The following TAOK3 variants were observed in gnomAD, a reference collection of about 807,000 sequenced individuals.
TAOK3 encodes the protein TAO kinase 3.
TAOK3 carries 40 observed loss-of-function variants against 120.4 expected under a neutral mutation model. The ratio of observed to expected loss-of-function variants is 0.33; its 90% CI spans 0.26 to 0.43. TAOK3 has a LOEUF of 0.43. TAOK3 is among the 20% of genes least tolerant of loss of function. TAOK3 has a pLI of 1.00. For synonymous variants in TAOK3, 355 were observed against 387.5 expected (o/e 0.92, Z 0.99); for missense variants, 821 against 1,112.1 (o/e 0.74, Z 3.72).
At chr12:118,365,241 TTTTTTA>T (rs1305590099) in intron 1 of TAOK3, among the ~76,000 whole-genome samples, 1 of 152,168 alleles carries the variant, frequency 6.6e-6, no homozygotes, top group Non-Finnish European at 1.5e-5. Flanking sequence ...CTTTTTTAAT[TTTTTTA>T]TTTTTAGACA....
At chr12:118,189,690 C>A in intron 14 of TAOK3, 117 bp downstream of exon 14, 42 of 1,224,502 alleles carry the variant, frequency 3.4e-5, no homozygotes, top group Middle Eastern at 2.1e-4. Context: ...AGAGAGAAAA[C>A]ATTCTTGACT....
In TAOK3 at chr12:118,156,160, C is replaced by T. The variant is rs75127949; in HGVS notation, c.2353-3751G>A. Among the ~76,000 whole-genome samples the T allele has an allele frequency of 9.2e-3, 1,402 of 152,302 alleles. 21 individuals carry two copies. Among genetic ancestry groups the T allele is most frequent in the African/African-American group, 0.033 (1,355 of 41,562 alleles). ...ATGTGTCTATCAACTTCTTCCTTCT[C>T]TTTGCCTTTCATCTCCCTCTGCAAA... On this transcript the variant is annotated intron_variant, in intron 19 of 20. Transcript: ENST00000392533.
intron 9 of TAOK3, among the ~76,000 whole-genome samples, chr12:118,218,200 A>G (rs781402738): frequency 1.3e-5 from 2 of 152,054 alleles, no homozygotes; most frequent in Non-Finnish European, 2.9e-5. Flanking sequence ...TGAACTGTTA[A>G]CAAGTGGAAA....
intron 1 of TAOK3, among the ~76,000 whole-genome samples, chr12:118,363,848 G>A (rs958088809): frequency 1.3e-5 from 2 of 152,060 alleles, no homozygotes; most frequent in Admixed American, 6.6e-5. Context: ...CAGGCCAGGC[G>A]CGGTGGCTCA....
chr12:118,301,283 G>T (rs777663041), intron 1 of TAOK3, among the ~76,000 whole-genome samples: 2 of 152,080 alleles, frequency 1.3e-5, no homozygotes, highest in African/African-American at 2.4e-5. Flanking sequence ...GCTGCAAAGA[G>T]GTGGAAACAT....
At chr12:118,356,330 G>A (rs925485189) in intron 1 of TAOK3, among the ~76,000 whole-genome samples, 3 of 134,798 alleles carry the variant, frequency 2.2e-5, no homozygotes, top group Non-Finnish European at 3.1e-5. Flanking sequence ...GATGGAGTCC[G>A]GCTCTGTCGC....
intron 3 of TAOK3, among the ~76,000 whole-genome samples, chr12:118,253,690 T>C (rs2040853893): frequency 6.6e-6 from 1 of 150,868 alleles, no homozygotes; most frequent in Non-Finnish European, 1.5e-5. Context: ...TGAGCCGAGA[T>C]TGTGCCACTG....
intron 1 of TAOK3, among the ~76,000 whole-genome samples, chr12:118,353,465 C>T (rs896636811): frequency 6.6e-6 from 1 of 151,908 alleles, no homozygotes; most frequent in African/African-American, 2.4e-5. Flanking sequence ...AAATAGTGTA[C>T]AGGCAAATCA....
chr12:118,351,527 C>A (rs1264391149), intron 1 of TAOK3, among the ~76,000 whole-genome samples: 2 of 152,132 alleles, frequency 1.3e-5, no homozygotes, highest in African/African-American at 4.8e-5. Flanking sequence ...AATATCCATA[C>A]TCTTACATAT....
At chr12:118,219,116 G>A (rs950945895) in intron 9 of TAOK3, among the ~76,000 whole-genome samples, 7 of 152,186 alleles carry the variant, frequency 4.6e-5, no homozygotes, top group African/African-American at 1.7e-4. Flanking sequence ...ATTCTGAGAA[G>A]TAACCTATTT....
chr12:118,256,495 A>G (rs2040993864), intron 2 of TAOK3, among the ~76,000 whole-genome samples: 1 of 152,232 alleles, frequency 6.6e-6, no homozygotes, highest in African/African-American at 2.4e-5. Flanking sequence ...TAACCAGAAG[A>G]TGGAAAAACC....
intron 1 of TAOK3, among the ~76,000 whole-genome samples, chr12:118,279,528 A>C (rs1158556748): frequency 6.7e-6 from 1 of 149,546 alleles, no homozygotes; most frequent in Non-Finnish European, 1.5e-5. Flanking sequence ...GTTACCTTCC[A>C]GTGTTTTTAT....
chr12:118,361,961 G>T (rs1210439182), intron 1 of TAOK3, among the ~76,000 whole-genome samples: 2 of 151,938 alleles, frequency 1.3e-5, no homozygotes, highest in Non-Finnish European at 2.9e-5. Context: ...AGAGAAAGGG[G>T]ACTGCTTATA....
At chr12:118,217,735 T>G (rs1193742419) in intron 9 of TAOK3, among the ~76,000 whole-genome samples, 1 of 147,696 alleles carries the variant, frequency 6.8e-6, no homozygotes, top group Non-Finnish European at 1.5e-5. Flanking sequence ...TCTCTCTATA[T>G]ATAGACAGTT....
chr12:118,267,083 T>C (rs1008534060), intron 1 of TAOK3, among the ~76,000 whole-genome samples: 2 of 152,244 alleles, frequency 1.3e-5, no homozygotes, highest in Non-Finnish European at 2.9e-5. Flanking sequence ...GTAATGCTAC[T>C]GATTCTCTGT....
In TAOK3 at chr12:118,169,047, C is replaced by T. The variant is rs1023174292; in HGVS notation, c.1899+3410G>A. Among the ~76,000 whole-genome samples, 6 of 151,546 alleles carry T rather than the reference C, an allele frequency of 4.0e-5. No individual in the cohort carries two copies. In the East Asian group the frequency reaches 1.2e-3, roughly 29 times the overall value. On this transcript the variant is annotated intron_variant, in intron 17 of 20. Coordinates refer to ENST00000392533, the MANE Select transcript of TAOK3 (RefSeq NM_016281.4). The stretch of plus-strand genomic sequence containing the variant: ...TATTTTTTTGAGACAGAGTTTCACT[C>T]TTGTTGCCCAGGCTGGAGTGGAATG...
chr12:118,257,665 GA>G (rs76684859), intron 2 of TAOK3, among the ~76,000 whole-genome samples: 26,562 of 151,360 alleles, frequency 0.18, 2,411 homozygotes, highest in East Asian at 0.26. Flanking sequence ...GCTAGGAGAA[GA>G]AAAAAAAGAA....
At chr12:118,236,926 T>G (rs1030783525) in intron 7 of TAOK3, among the ~76,000 whole-genome samples, 9 of 152,168 alleles carry the variant, frequency 5.9e-5, no homozygotes, top group African/African-American at 2.2e-4. Context: ...TAAGTTAATG[T>G]GCAGATTAAG....
At chr12:118,364,750 C>T (rs920926852) in intron 1 of TAOK3, among the ~76,000 whole-genome samples, 1 of 151,956 alleles carries the variant, frequency 6.6e-6, no homozygotes, top group African/African-American at 2.4e-5. Context: ...ACTAAAAATA[C>T]AAAAATTAGC....
Sources: gnomAD v4.1 joint callset for allele counts (sites outside exome capture counted in the v4.1 genomes callset) on GRCh38, gnomAD v4.1.1 for gene constraint, MANE v1.5 for transcripts, NCBI Gene and HGNC (gene_info 2026-07-23, HGNC 2026-07-21) for gene names.